The following NCKAP5 variants were observed in gnomAD, a reference collection of about 807,000 sequenced individuals.
NCKAP5 encodes NCK associated protein 5.
NCKAP5 carries 92 observed loss-of-function variants against 167.0 expected under a neutral mutation model. That is an observed-to-expected ratio of 0.55 (90% CI 0.47 to 0.66). The LOEUF (loss-of-function observed/expected upper bound fraction) is 0.66, where lower values mean the gene tolerates loss of function less well. Ranked by LOEUF, NCKAP5 falls within the 30% of genes least tolerant of loss-of-function variation. The pLI, the probability that NCKAP5 is intolerant of heterozygous loss-of-function variation, is 0.00. For synonymous variants in NCKAP5, 891 were observed against 877.4 expected (o/e 1.02, Z -0.27); for missense variants, 2,378 against 2,315.0 (o/e 1.03, Z -0.56).
chr2:132,783,201 C>A lies in NCKAP5; in HGVS notation c.3610G>T (p.Gly1204Cys). 1 of 1,613,974 alleles carries A rather than the reference C, an allele frequency of 6.2e-7. No individual in the cohort carries two copies. The highest frequency in any genetic ancestry group is 1.1e-5 in the South Asian group (1 of 91,076). ...TCCGGTAGGGTCACATTTCTTTCAC[C>A]CGCTGTGATCTCCATGCTTGCTGGA... ...KNPASMEITA[G>C]ERNVTLPDSQ... is the part of the protein sequence containing the mutation. The change falls in exon 14 of 20, where the codon GGT becomes TGT. Residue 1204 changes from glycine to cysteine, a missense_variant. By Grantham distance (159) the Gly-to-Cys change is radical (BLOSUM62 -3). Transcript: ENST00000409261.
intron 6 of NCKAP5, among the ~76,000 whole-genome samples, chr2:133,040,321 G>T (rs745553369): frequency 6.6e-6 from 1 of 152,002 alleles, no homozygotes; most frequent in Non-Finnish European, 1.5e-5. Flanking sequence ...AAGTAATGGC[G>T]AAAACCACGA....
the NCKAP5 span, among the ~76,000 whole-genome samples, chr2:133,637,476 CAAAAAAAAAAAA>C: frequency 6.3e-5 from 2 of 31,678 alleles, no homozygotes; most frequent in Non-Finnish European, 1.0e-4. Context: ...TGGTATTTTC[CAAAAAAAAAAAA>C]AAAAAAAAAA....
At chr2:133,465,476 C>G (rs969370193) in intron 3 of NCKAP5, among the ~76,000 whole-genome samples, 1 of 152,138 alleles carries the variant, frequency 6.6e-6, no homozygotes, top group Non-Finnish European at 1.5e-5. Flanking sequence ...CACACGTGTG[C>G]ATGTGTCTTT....
chr2:132,735,668 T>C (rs936996070), intron 16 of NCKAP5, among the ~76,000 whole-genome samples: 2 of 152,328 alleles, frequency 1.3e-5, no homozygotes, highest in East Asian at 3.9e-4. Context: ...GTCTCCCTCT[T>C]CTATGTATTA....
At chr2:133,435,285 A>T (rs1690403458) in intron 3 of NCKAP5, among the ~76,000 whole-genome samples, 1 of 152,218 alleles carries the variant, frequency 6.6e-6, no homozygotes, top group African/African-American at 2.4e-5. Flanking sequence ...CAATTTCTGG[A>T]ACAACTTCTT....
rs551956922 is a variant in NCKAP5 at position 133,400,890 on chromosome 2, A to G, written c.70-97780T>C. On this transcript the variant is annotated intron_variant, in intron 3 of 19. Coordinates refer to ENST00000409261, the MANE Select transcript of NCKAP5 (RefSeq NM_207363.3). ...CTGCTCCCTGGCACAGAGCTTCTGA[A>G]GCTTCTGAACCCTTGGAATTTCCTG... is the stretch of plus-strand genomic sequence containing the variant. Among the ~76,000 whole-genome samples, 89 of 152,284 alleles carry G rather than the reference A, an allele frequency of 5.8e-4. 1 individual carries two copies. Among genetic ancestry groups the G allele is most frequent in the South Asian group, 1.2e-3 (6 of 4,830 alleles).
At chr2:133,193,330 A>G (rs1017935782) in intron 5 of NCKAP5, among the ~76,000 whole-genome samples, 1 of 151,602 alleles carries the variant, frequency 6.6e-6, no homozygotes, top group Non-Finnish European at 1.5e-5. Context: ...TTGTGTTTTG[A>G]CTGTATCAAT....
intron 8 of NCKAP5, among the ~76,000 whole-genome samples, chr2:132,918,830 T>C (rs1695088158): frequency 6.6e-6 from 1 of 152,208 alleles, no homozygotes; most frequent in Non-Finnish European, 1.5e-5. Context: ...CTTCCTGAAT[T>C]ACATAGTAAA....
intron 4 of NCKAP5, among the ~76,000 whole-genome samples, chr2:133,293,073 T>C (rs568903628): frequency 1.3e-5 from 2 of 152,350 alleles, no homozygotes; most frequent in East Asian, 3.9e-4. Flanking sequence ...TTTGGACTTC[T>C]GCAGGACAGA....
intron 3 of NCKAP5, among the ~76,000 whole-genome samples, chr2:133,325,559 G>T (rs1456183873): frequency 6.6e-6 from 1 of 152,162 alleles, no homozygotes; most frequent in African/African-American, 2.4e-5. Flanking sequence ...GGTTTTAGGG[G>T]TGTTGAATTG....
At chr2:133,429,401 C>A (rs1559478556) in intron 3 of NCKAP5, among the ~76,000 whole-genome samples, 1 of 151,850 alleles carries the variant, frequency 6.6e-6, no homozygotes, top group Non-Finnish European at 1.5e-5. Flanking sequence ...GATCCTATCA[C>A]CCCAATAGTG....
At chr2:132,883,878 G>C (rs1468083250) in intron 8 of NCKAP5, among the ~76,000 whole-genome samples, 1 of 152,180 alleles carries the variant, frequency 6.6e-6, no homozygotes, top group African/African-American at 2.4e-5. Flanking sequence ...TGCTTGAAAA[G>C]TTTCAACTGT....
At chr2:132,771,486 A>G (rs1682042385) in intron 16 of NCKAP5, among the ~76,000 whole-genome samples, 1 of 152,212 alleles carries the variant, frequency 6.6e-6, no homozygotes, top group Non-Finnish European at 1.5e-5. Flanking sequence ...AAGTTAATTT[A>G]TTATTGAAGA....
intron 2 of NCKAP5, among the ~76,000 whole-genome samples, chr2:133,545,196 A>G (rs1290425831): frequency 6.6e-6 from 1 of 152,038 alleles, no homozygotes; most frequent in African/African-American, 2.4e-5. Flanking sequence ...TTCTTCATCT[A>G]TTTTTCTTCA....
At chr2:133,403,887 ATGTGTGTGTGTG>A (rs138024785) in intron 3 of NCKAP5, among the ~76,000 whole-genome samples, 3,799 of 148,208 alleles carry the variant, frequency 0.026, 154 homozygotes, top group African/African-American at 0.088. Context: ...AGTCAGGTGG[ATGTGTGTGTGTG>A]TGTGTGTGTG....
chr2:133,393,288 G>C (rs1559447628), intron 3 of NCKAP5, among the ~76,000 whole-genome samples: 1 of 152,166 alleles, frequency 6.6e-6, no homozygotes. Context: ...TTGAGAACTT[G>C]TTTGTTCTGC....
chr2:132,699,292 A>C (rs1687646299), intron 19 of NCKAP5, among the ~76,000 whole-genome samples: 2 of 152,288 alleles, frequency 1.3e-5, no homozygotes, highest in South Asian at 4.1e-4. Flanking sequence ...TGATGCATTC[A>C]GGCTTTAATG....
At chr2:132,705,340 T>C (rs907871582) in intron 19 of NCKAP5, among the ~76,000 whole-genome samples, 12 of 152,180 alleles carry the variant, frequency 7.9e-5, no homozygotes, top group Non-Finnish European at 1.6e-4. Context: ...GATTTATATA[T>C]ACTTACCATC....
intron 4 of NCKAP5, among the ~76,000 whole-genome samples, chr2:133,232,851 TAGA>T (rs1211468040): frequency 2.6e-5 from 4 of 152,176 alleles, no homozygotes; most frequent in African/African-American, 7.2e-5. Flanking sequence ...ATTTATAAAA[TAGA>T]AGAATAACAT....
Sources: allele counts gnomAD v4.1 joint callset (sites outside exome capture counted in the v4.1 genomes callset), GRCh38; gene constraint gnomAD v4.1.1; transcripts MANE v1.5; gene names NCBI Gene and HGNC (gene_info 2026-07-23, HGNC 2026-07-21).